The following ACAP3 variants were observed in gnomAD, a reference collection of about 807,000 sequenced individuals.
ACAP3 encodes ArfGAP with coiled-coil, ankyrin repeat and PH domains 3.
In ACAP3, 56 loss-of-function variants were observed where a neutral mutation model predicts 104.1. That is an observed-to-expected ratio of 0.54 (90% CI 0.43 to 0.67). The LOEUF is 0.67. Ranked by LOEUF, ACAP3 falls within the 30% of genes least tolerant of loss-of-function variation. ACAP3 has a pLI of 0.00. For missense variants in ACAP3, 1,208 were observed against 1,174.9 expected (o/e 1.03, Z -0.41); for synonymous variants, 628 against 496.2 (o/e 1.27, Z -3.53).
Position 1,299,815 on chromosome 1 carries a change from G to A in ACAP3, c.738+16C>T, listed in dbSNP as rs200640315. On this transcript the variant is annotated intron_variant, in intron 9 of 23. Coordinates refer to ENST00000354700, the MANE Select transcript of ACAP3 (RefSeq NM_030649.3). ...CCAGGCGCCTGGTGTGCAGGGAGCC[G>A]GCTGCGCGGCCTCACCCGCTGCTGG... 5.0e-5 allele frequency: 77 copies of A among 1,540,564 alleles called. No individual in the cohort carries two copies. The East Asian group carries it at 1.2e-3, about 23-fold the overall frequency.
At chr1:1,296,857 C>T (rs527396496) in intron 14 of ACAP3, among the ~76,000 whole-genome samples, 23 of 151,764 alleles carry the variant, frequency 1.5e-4, no homozygotes, top group African/African-American at 5.3e-4. Flanking sequence ...GGACAGGTGG[C>T]GCCGAGCACA....
Position 1,303,434 on chromosome 1 carries a change from G to T in ACAP3, c.106-153C>A. 8 of 865,756 alleles carry T rather than the reference G, an allele frequency of 9.2e-6. No homozygotes were observed. The highest frequency in any genetic ancestry group is 9.9e-6 in the Non-Finnish European group (6 of 604,766). 53.6% of individuals were successfully genotyped at this position (865,756 alleles called of 1,614,324 possible). A position where few individuals can be genotyped will look rare whatever the true frequency, so the allele number is the denominator to read the frequency against. On this transcript the variant is annotated intron_variant, in intron 2 of 23. Coordinates refer to ENST00000354700, the MANE Select transcript of ACAP3 (RefSeq NM_030649.3). This position sits in a 1 kb window ranked among gnomAD's most constrained non-coding sequence, Gnocchi z 4.0. ...CAGTGCCCCGGTGCAGCTTCCTCAC[G>T]CCTGGGCCTGCCTGGGGCTTGGAGG...
rs367866929 is a variant in ACAP3 at position 1,298,122 on chromosome 1, G to A, written c.916-9C>T. 37 of 1,600,042 alleles carry A rather than the reference G, an allele frequency of 2.3e-5. No homozygotes were observed. The African/African-American group carries it at 2.4e-4, about 10-fold the overall frequency. Reference sequence around the variant, plus strand: ...ACCACGGTGAGGGCATCCTGTGGGCGGCACCGCTGTGGCCCCTGCCCTCAG... The same window carrying A: ...ACCACGGTGAGGGCATCCTGTGGGCAGCACCGCTGTGGCCCCTGCCCTCAG... On this transcript the variant is annotated splice_polypyrimidine_tract_variant and intron_variant, in intron 12 of 23. Transcript: ENST00000354700.
Position 1,297,917 on chromosome 1 carries a change from C to A in ACAP3, c.1033G>T (p.Ala345Ser). 1 of 1,611,958 alleles carries A rather than the reference C, an allele frequency of 6.2e-7. No individual in the cohort carries two copies. Among genetic ancestry groups the A allele is most frequent in the Non-Finnish European group, 8.5e-7 (1 of 1,179,456 alleles). ...LSPTKSCMLQ[A>S]DSEKLRQAWV... ...GCTTGCCGCAGCTTCTCGGAGTCAG[C>A]CTGCAGCATGCAGCTCCTGCAGGCA... Residue 345 changes from alanine (A) to serine (S), a missense_variant, in exon 14 of 24, where the codon GCT becomes TCT. Physicochemically the swap from Ala to Ser is moderately conservative, Grantham distance 99. Coordinates refer to ENST00000354700, the MANE Select transcript of ACAP3 (RefSeq NM_030649.3).
intron 1 of ACAP3, 164 bp from the exon 2 acceptor site, chr1:1,304,307 G>T: frequency 1.2e-6 from 1 of 825,202 alleles, no homozygotes; most frequent in Non-Finnish European, 1.9e-6. Context: ...CTGGGACCAG[G>T]TTCAGTGCAC....
chr1:1,295,117 G>T, intron 19 of ACAP3: 1 of 553,116 alleles, frequency 1.8e-6, no homozygotes, highest in Non-Finnish European at 3.2e-6. Context: ...GTCTGTGGCT[G>T]GCCCAGGCTG....
chr1:1,307,365 C>A (rs1306823625), intron 1 of ACAP3: 1 of 1,290,120 alleles, frequency 7.8e-7, no homozygotes, highest in Admixed American at 2.3e-5. Flanking sequence ...CTCCAGCTGC[C>A]TGTTCCCCAC....
rs189969468 is a variant in ACAP3, at chr1:1,292,461, G to A, written c.*1103C>T. The A allele has an allele frequency of 1.3e-4, 20 of 152,504 alleles. No individual in the cohort carries two copies. Among genetic ancestry groups the A allele is most frequent in the African/African-American group, 4.8e-4 (20 of 41,588 alleles). The allele number at this position is 152,504 out of a possible 1,614,324, so 9.4% of individuals were successfully genotyped here. The stretch of plus-strand genomic sequence containing the variant: ...CGCCAGCAGGGGCCTGGGGCAAGAG[G>A]CGGGGCCAAGCTCACACAGGGAGAG... On this transcript the variant is annotated 3_prime_UTR_variant, in exon 24 of 24. Coordinates refer to ENST00000354700, the MANE Select transcript of ACAP3 (RefSeq NM_030649.3).
chr1:1,293,935 T>G lies in ACAP3; in HGVS notation c.2250-2A>C. On this transcript the variant is annotated splice_acceptor_variant, in intron 22 of 23. Transcript: ENST00000354700. LOFTEE classifies it high-confidence loss of function. ...CGCTTCAGGAACAGGCAAACCTGGC[T>G]GAGGGGCGAGGTCGGAGGGGCGTGT... 1 of 1,558,576 alleles carries G rather than the reference T, an allele frequency of 6.4e-7. No homozygotes were observed. The highest frequency in any genetic ancestry group is 8.7e-7 in the Non-Finnish European group (1 of 1,154,256).
chr1:1,299,840 G>T lies in ACAP3; in HGVS notation c.729C>A (p.Ile243=). ...GGCTGCGCGGCCTCACCCGCTGCTG[G>T]ATGGCGGCGTGCTTTCGCTCCATCT... ...KREMERKHAA[I]QQRTLLQDFS... Residue 243 remains isoleucine, a synonymous_variant, in exon 9 of 24, where the codon ATC becomes ATA. Transcript: ENST00000354700. The T allele has an allele frequency of 6.5e-7, 1 of 1,550,142 alleles. No individual in the cohort carries two copies. The highest frequency in any genetic ancestry group is 1.2e-5 in the South Asian group (1 of 84,556).
In ACAP3 at chr1:1,307,761, C is replaced by T. The variant is rs1641810116; in HGVS notation, c.47+8G>A. On this transcript the variant is annotated splice_region_variant and intron_variant, in intron 1 of 23. Transcript: ENST00000354700. ...CTGCGCCCACCCCGGCGGCCCCGGG[C>T]GGCGCACCTGAAGCGCGGGGAGTCC... 2.7e-6 allele frequency: 3 copies of T among 1,099,352 alleles called. No individual in the cohort carries two copies. Among genetic ancestry groups the T allele is most frequent in the Non-Finnish European group, 3.3e-6 (3 of 903,620 alleles). 68.1% of individuals were successfully genotyped at this position (1,099,352 alleles called of 1,614,324 possible).
Position 1,297,805 on chromosome 1 carries a change from G to A in ACAP3, c.1128+17C>T, listed in dbSNP as rs1557601930. The A allele has an allele frequency of 2.5e-6, 4 of 1,607,488 alleles. No individual in the cohort carries two copies. Among genetic ancestry groups the A allele is most frequent in the Non-Finnish European group, 3.4e-6 (4 of 1,176,418 alleles). On this transcript the variant is annotated intron_variant, in intron 14 of 23. Coordinates refer to ENST00000354700, the MANE Select transcript of ACAP3 (RefSeq NM_030649.3). ...TGTGTGTGCACGGGCTTGGGGCAGG[G>A]GCACCAAGGGCCACACCTCGCTATA...
intron 12 of ACAP3, 63 bp downstream of exon 12, chr1:1,298,307 C>A: frequency 6.2e-7 from 1 of 1,602,126 alleles, no homozygotes; most frequent in South Asian, 1.1e-5. Context: ...ACTGACCAGT[C>A]TGCCCTGTGG....
rs778368288 is a variant in ACAP3, at chr1:1,294,473, G to C, written c.2068C>G (p.His690Asp). The change falls in exon 21 of 24, where the codon CAC becomes GAC. Residue 690 changes from histidine (H) to aspartate (D), a missense_variant. Coordinates refer to ENST00000354700, the MANE Select transcript of ACAP3 (RefSeq NM_030649.3). ...DLPALAAALA[H>D]GAEVNWADAE... is the part of the protein sequence containing the mutation. ...TCCGCCCAGTTGACCTCGGCCCCGT[G>C]GGCCAGCGCCGCCGCCAGCGCAGGA... 6.4e-7 allele frequency: 1 copy of C among 1,554,804 alleles called. No individual in the cohort carries two copies. The highest frequency in any genetic ancestry group is 1.2e-5 in the South Asian group (1 of 85,426).
Position 1,303,836 on chromosome 1 carries a change from G to A in ACAP3, c.105+250C>T, listed in dbSNP as rs1177014974. The A allele has an allele frequency of 1.4e-5, 8 of 563,954 alleles. No homozygotes were observed. The East Asian group carries it at 1.5e-4, about 11-fold the overall frequency. 34.9% of individuals were successfully genotyped at this position (563,954 alleles called of 1,614,324 possible). On this transcript the variant is annotated intron_variant, in intron 2 of 23. Transcript: ENST00000354700. The surrounding 1 kb of genome is among the most constrained non-coding windows in gnomAD (Gnocchi z 4.0). ...CCAGCAGAGGGGACGGGCAGCCACC[G>A]TGGGTCGGGGACTCACCACAGCCCA...
chr1:1,294,238 G>A (rs1641003650), intron 21 of ACAP3, 39 bp from the exon 22 acceptor site: 1 of 1,545,466 alleles, frequency 6.5e-7, no homozygotes, highest in Non-Finnish European at 8.8e-7. Context: ...CCACGGCACC[G>A]GCCCCTCTCC....
chr1:1,303,909 G>T lies in ACAP3; in HGVS notation c.105+177C>A. The T allele has an allele frequency of 1.3e-6, 1 of 754,328 alleles. No individual in the cohort carries two copies. Among genetic ancestry groups the T allele is most frequent in the Non-Finnish European group, 2.2e-6 (1 of 464,982 alleles). 46.7% of individuals were successfully genotyped at this position (754,328 alleles called of 1,614,324 possible). Reference sequence around the variant, plus strand: ...CTCAGGGCCAGCCACATGTGTGCATGTGACATGTGCACCCTGGAACACACA... The same window carrying T: ...CTCAGGGCCAGCCACATGTGTGCATTTGACATGTGCACCCTGGAACACACA... On this transcript the variant is annotated intron_variant, in intron 2 of 23. Transcript: ENST00000354700. The surrounding 1 kb of genome is among the most constrained non-coding windows in gnomAD (Gnocchi z 4.0).
At chr1:1,296,336 C>A in intron 15 of ACAP3, 56 bp from the exon 16 acceptor site, 2 of 1,549,154 alleles carry the variant, frequency 1.3e-6, no homozygotes, top group South Asian at 2.4e-5. Context: ...AGCTCCGGCC[C>A]AACCCCCACC....
At chr1:1,300,297 CCT>C (rs1641388371) in intron 6 of ACAP3, 95 bp from the exon 7 acceptor site, 4 of 1,438,548 alleles carry the variant, frequency 2.8e-6, no homozygotes, top group Non-Finnish European at 2.8e-6. Flanking sequence ...CTTGTGGTTC[CCT>C]GAGACCCCCA....
Sources: gnomAD v4.1 joint callset for allele counts (sites outside exome capture counted in the v4.1 genomes callset) on GRCh38, gnomAD v4.1.1 for gene constraint, Gnocchi (gnomAD v3.1) non-coding constraint, MANE v1.5 for transcripts, NCBI Gene and HGNC (gene_info 2026-07-23, HGNC 2026-07-21) for gene names.